TMEM30A: variants seen among roughly 807,000 people sequenced by gnomAD.
The protein encoded by TMEM30A is cell division cycle 50 P4-ATPase accessory subunit A.
Under a neutral mutation model 38.2 loss-of-function variants are expected in TMEM30A, and 24 were observed. The ratio of observed to expected loss-of-function variants is 0.63; its 90% CI spans 0.46 to 0.88. The LOEUF is 0.88. TMEM30A is among the 40% of genes least tolerant of loss of function. TMEM30A has a pLI of 0.00. For missense variants in TMEM30A, 370 were observed against 458.6 expected (o/e 0.81, Z 1.77); for synonymous variants, 145 against 161.6 (o/e 0.90, Z 0.78).
intron 1 of TMEM30A, among the ~76,000 whole-genome samples, chr6:75,280,532 A>C (rs1772339564): frequency 6.6e-6 from 1 of 152,168 alleles, no homozygotes; most frequent in Non-Finnish European, 1.5e-5. Flanking sequence ...GAAATTTTGG[A>C]GGAGACATTT....
chr6:75,276,207 T>C (rs1474960238), intron 1 of TMEM30A, among the ~76,000 whole-genome samples: 1 of 152,252 alleles, frequency 6.6e-6, no homozygotes, highest in African/African-American at 2.4e-5. Context: ...ATCTCTTCCA[T>C]CTGGTTTTTC....
chr6:75,262,385 C>G (rs1582276547), intron 3 of TMEM30A, among the ~76,000 whole-genome samples: 1 of 152,036 alleles, frequency 6.6e-6, no homozygotes, highest in Middle Eastern at 3.4e-3. Context: ...TGGTTCACGC[C>G]TGTAATCCTA....
At chr6:75,277,106 C>A (rs370261693) in intron 1 of TMEM30A, among the ~76,000 whole-genome samples, 82 of 152,208 alleles carry the variant, frequency 5.4e-4, no homozygotes, top group African/African-American at 1.9e-3. Context: ...TAACATACTT[C>A]AAATGCAGCA....
chr6:75,276,546 G>C (rs1772262881), intron 1 of TMEM30A, among the ~76,000 whole-genome samples: 1 of 145,314 alleles, frequency 6.9e-6, no homozygotes, highest in Non-Finnish European at 1.6e-5. Context: ...ATGGTGTGTA[G>C]GGAAAAATTT....
rs1771839399 is a variant in TMEM30A at position 75,254,689 on chromosome 6, T to A, written c.*1413A>T. 6.6e-6 allele frequency: 1 copy of A among 152,302 alleles called. No homozygotes were observed. The highest frequency in any genetic ancestry group is 1.5e-5 in the Non-Finnish European group (1 of 67,938). The allele number at this position is 152,302 out of a possible 1,614,324, so 9.4% of individuals were successfully genotyped here. On this transcript the variant is annotated 3_prime_UTR_variant, in exon 7 of 7. Coordinates refer to ENST00000230461, the MANE Select transcript of TMEM30A (RefSeq NM_018247.4). ...ACTGAAGGAAAATATAAACTCTGAG[T>A]AAACAGGCATTCTTCTACACAAACA...
Position 75,256,200 on chromosome 6 carries a change from T to A in TMEM30A, c.988A>T (p.Ile330Phe), listed in dbSNP as rs776910512. 1.9e-5 allele frequency: 31 copies of A among 1,613,492 alleles called. No homozygotes were observed. The highest frequency in any genetic ancestry group is 5.0e-5 in the Admixed American group (3 of 59,980). The change falls in exon 7 of 7, where the codon ATC (isoleucine) becomes TTC (phenylalanine). Residue 330 changes from isoleucine (I) to phenylalanine (F), a missense_variant. By Grantham distance (21) the Ile-to-Phe change is conservative. Transcript: ENST00000230461. ...GKNPFLGIAY[I>F]AVGSISFLLG... ...AGGAAGGAGATGGATCCAACAGCGATGTAAGCAATCCCCAAAAATGGATTT... is the reference window on the plus strand; with the variant it reads ...AGGAAGGAGATGGATCCAACAGCGAAGTAAGCAATCCCCAAAAATGGATTT...
chr6:75,284,376 C>T (rs368016867), intron 1 of TMEM30A, 26 bp downstream of exon 1: 46 of 1,608,702 alleles, frequency 2.9e-5, no homozygotes, highest in Non-Finnish European at 3.7e-5. Context: ...GCAACGCCAA[C>T]TCCCACCACA....
At chr6:75,277,306 A>T (rs1414781276) in intron 1 of TMEM30A, among the ~76,000 whole-genome samples, 2 of 1,200 alleles carry the variant, frequency 1.7e-3, no homozygotes, top group Admixed American at 0.017. Flanking sequence ...GTCCTCATCC[A>T]AAAAAAAAAA....
intron 3 of TMEM30A, among the ~76,000 whole-genome samples, chr6:75,261,798 T>C (rs1409430968): frequency 6.6e-6 from 1 of 152,172 alleles, no homozygotes; most frequent in Non-Finnish European, 1.5e-5. Flanking sequence ...TAAAAGCACT[T>C]GTGTGAATGG....
intron 3 of TMEM30A, among the ~76,000 whole-genome samples, chr6:75,264,073 T>C (rs1488459036): frequency 1.3e-5 from 2 of 152,186 alleles, no homozygotes; most frequent in Non-Finnish European, 2.9e-5. Flanking sequence ...AAACCCCACA[T>C]AGATTCAAAA....
chr6:75,270,932 C>T (rs1353016269), intron 1 of TMEM30A, among the ~76,000 whole-genome samples: 1 of 152,140 alleles, frequency 6.6e-6, no homozygotes, highest in Non-Finnish European at 1.5e-5. Flanking sequence ...GTCTCCCAAA[C>T]GAAGAGAGGC....
intron 3 of TMEM30A, among the ~76,000 whole-genome samples, chr6:75,262,074 C>T (rs1465354896): frequency 6.6e-6 from 1 of 152,144 alleles, no homozygotes; most frequent in African/African-American, 2.4e-5. Flanking sequence ...GGGCCGGGTG[C>T]GGTGGCTCAT....
chr6:75,279,957 T>A (rs894124927), intron 1 of TMEM30A, among the ~76,000 whole-genome samples: 12 of 152,142 alleles, frequency 7.9e-5, no homozygotes, highest in African/African-American at 2.9e-4. Flanking sequence ...AAGTTAAAAA[T>A]CATATTTTAA....
At chr6:75,273,138 A>G (rs903046474) in intron 1 of TMEM30A, among the ~76,000 whole-genome samples, 3 of 152,092 alleles carry the variant, frequency 2.0e-5, no homozygotes, top group African/African-American at 4.8e-5. Context: ...GAGTTACCCA[A>G]TCCTCCTTTA....
At chr6:75,257,245 C>T (rs958314357) in intron 6 of TMEM30A, among the ~76,000 whole-genome samples, 6 of 152,152 alleles carry the variant, frequency 3.9e-5, no homozygotes, top group Admixed American at 2.0e-4. Context: ...GTCTCCCAAA[C>T]CTAAAGAAAC....
At chr6:75,265,927 G>A (rs1384969302) in intron 2 of TMEM30A, among the ~76,000 whole-genome samples, 1 of 151,972 alleles carries the variant, frequency 6.6e-6, no homozygotes, top group Non-Finnish European at 1.5e-5. Context: ...AATTCCTCAA[G>A]AGGACACTAT....
intron 3 of TMEM30A, among the ~76,000 whole-genome samples, chr6:75,262,509 G>C (rs1432911218): frequency 1.3e-5 from 2 of 152,098 alleles, no homozygotes; most frequent in Non-Finnish European, 2.9e-5. Context: ...CGGGCATGGT[G>C]GTGGGGGCCT....
At chr6:75,269,438 CACTT>C (rs1369960430) in intron 1 of TMEM30A, among the ~76,000 whole-genome samples, 1 of 152,164 alleles carries the variant, frequency 6.6e-6, no homozygotes, top group Non-Finnish European at 1.5e-5. Flanking sequence ...TAGTAATACT[CACTT>C]AAGATTTTAA....
At chr6:75,279,643 T>C (rs181530256) in intron 1 of TMEM30A, among the ~76,000 whole-genome samples, 93 of 152,346 alleles carry the variant, frequency 6.1e-4, no homozygotes, top group Admixed American at 5.9e-3. Context: ...GATGAGCAGA[T>C]AGGAGATATC....
Sources: allele counts gnomAD v4.1 joint callset (sites outside exome capture counted in the v4.1 genomes callset), GRCh38; gene constraint gnomAD v4.1.1; transcripts MANE v1.5; gene names NCBI Gene and HGNC (gene_info 2026-07-23, HGNC 2026-07-21).